The following ONECUT2 variants were observed in gnomAD, a reference collection of about 807,000 sequenced individuals.
ONECUT2 encodes the protein one cut homeobox 2.
ONECUT2 carries 10 observed loss-of-function variants against 27.9 expected under a neutral mutation model. The observed-to-expected ratio is 0.36, with a 90% CI of 0.22 to 0.61. The LOEUF is 0.61. Ranked by LOEUF, ONECUT2 falls within the 20% of genes least tolerant of loss-of-function variation. The pLI is 0.73. For synonymous variants in ONECUT2, 334 were observed against 315.1 expected (o/e 1.06, Z -0.64); for missense variants, 686 against 721.0 (o/e 0.95, Z 0.56).
chr18:57,462,412 G>T (rs959631380), intron 1 of ONECUT2, among the ~76,000 whole-genome samples: 5 of 152,142 alleles, frequency 3.3e-5, no homozygotes, highest in African/African-American at 1.2e-4. Context: ...AAGAGACAGG[G>T]TCTCGCTCTG....
intron 1 of ONECUT2, among the ~76,000 whole-genome samples, chr18:57,443,765 C>T (rs1044049290): frequency 7.2e-5 from 11 of 152,258 alleles, no homozygotes; most frequent in South Asian, 4.1e-4. Flanking sequence ...AGCCTCACTT[C>T]GGGAGCAGGA....
At chr18:57,475,531 T>C (rs1268697700) in intron 1 of ONECUT2, among the ~76,000 whole-genome samples, 2 of 152,156 alleles carry the variant, frequency 1.3e-5, no homozygotes, top group Non-Finnish European at 1.5e-5. Flanking sequence ...ATTGTATCCA[T>C]GGCTCCAAAA....
chr18:57,438,608 C>T (rs776179943), intron 1 of ONECUT2, among the ~76,000 whole-genome samples: 5 of 152,202 alleles, frequency 3.3e-5, no homozygotes, highest in African/African-American at 4.8e-5. Flanking sequence ...TTTCCTTTGC[C>T]GTCTGCTGGT....
intron 1 of ONECUT2, among the ~76,000 whole-genome samples, chr18:57,453,250 G>C (rs602768): frequency 0.87 from 132,815 of 152,166 alleles, 59,263 homozygotes; most frequent in Non-Finnish European, 0.98. Flanking sequence ...TTAATTCAGA[G>C]AGGTGATCAC....
Position 57,482,311 on chromosome 18 carries a change from A to T in ONECUT2, c.*5588A>T, listed in dbSNP as rs747029507. On this transcript the variant is annotated 3_prime_UTR_variant, in exon 2 of 2. Coordinates refer to ENST00000491143, the MANE Select transcript of ONECUT2 (RefSeq NM_004852.3). Reference sequence around the variant, plus strand: ...ATACTTATAAAATACAGAAGTAGTTATTAAAATATATAGGACCTCACATAG... The same window carrying T: ...ATACTTATAAAATACAGAAGTAGTTTTTAAAATATATAGGACCTCACATAG... 5.9e-5 allele frequency: 9 copies of T among 152,224 alleles called. No individual in the cohort carries two copies. The allele number at this position is 152,224 out of a possible 1,614,324, so 9.4% of individuals were successfully genotyped here.
Position 57,462,723 on chromosome 18 carries a change from C to CTTTTT in ONECUT2, c.1229-13693_1229-13689dup, listed in dbSNP as rs57032206. On this transcript the variant is annotated intron_variant, in intron 1 of 1. Transcript: ENST00000491143. ...AGAATTACCCTATGTTATTTTCTTT[C>CTTTTT]TTTTTTTTTTTTTTTTTTTTTTTTT... 4.2e-3 allele frequency among the ~76,000 whole-genome samples: 292 copies of CTTTTT among 68,996 alleles called. 2 individuals carry two copies. Among genetic ancestry groups the CTTTTT allele is most frequent in the Non-Finnish European group, 5.1e-3 (185 of 36,608 alleles). 45.3% of individuals were successfully genotyped at this position (68,996 alleles called of 152,430 possible).
rs1335947708 is a variant in ONECUT2 at position 57,489,666 on chromosome 18, T to A, written c.*12943T>A. On this transcript the variant is annotated 3_prime_UTR_variant, in exon 2 of 2. Transcript: ENST00000491143. Reference sequence around the variant, plus strand: ...AACCTGCCACCTGGGAAGAAAAGAGTCCGAAGACTAGCAATCGGATAGGTA... The same window carrying A: ...AACCTGCCACCTGGGAAGAAAAGAGACCGAAGACTAGCAATCGGATAGGTA... The A allele has an allele frequency of 6.8e-5, 1 of 14,658 alleles. No individual in the cohort carries two copies. Among genetic ancestry groups the A allele is most frequent in the Non-Finnish European group, 2.3e-4 (1 of 4,432 alleles). 0.9% of individuals were successfully genotyped at this position (14,658 alleles called of 1,614,324 possible).
chr18:57,463,843 G>T (rs149584564), intron 1 of ONECUT2, among the ~76,000 whole-genome samples: 330 of 152,210 alleles, frequency 2.2e-3, no homozygotes, highest in African/African-American at 7.4e-3. Context: ...AATTCTAACA[G>T]TTCATTGTGT....
intron 1 of ONECUT2, among the ~76,000 whole-genome samples, chr18:57,468,157 G>A (rs373772566): frequency 1.3e-5 from 2 of 152,220 alleles, no homozygotes; most frequent in South Asian, 4.1e-4. Flanking sequence ...ACATCCATTT[G>A]CACAGTGTCC....
intron 1 of ONECUT2, among the ~76,000 whole-genome samples, chr18:57,464,948 G>T (rs1386909802): frequency 6.6e-6 from 1 of 152,012 alleles, no homozygotes; most frequent in Non-Finnish European, 1.5e-5. Context: ...AATTTTCATA[G>T]AAGTTATTTT....
At chr18:57,437,960 G>T (rs1175960037) in intron 1 of ONECUT2, among the ~76,000 whole-genome samples, 2 of 152,282 alleles carry the variant, frequency 1.3e-5, no homozygotes, top group South Asian at 4.1e-4. Flanking sequence ...GGCGGCCCGC[G>T]GGAGGGGACG....
intron 1 of ONECUT2, among the ~76,000 whole-genome samples, chr18:57,471,412 TG>T (rs371495519): frequency 6.6e-6 from 1 of 152,160 alleles, no homozygotes; most frequent in Non-Finnish European, 1.5e-5. Context: ...AGGTTAGAGG[TG>T]GGGAAGATCA....
chr18:57,437,445 C>T (rs2050149145), intron 1 of ONECUT2, among the ~76,000 whole-genome samples: 1 of 152,270 alleles, frequency 6.6e-6, no homozygotes, highest in South Asian at 2.1e-4. Context: ...CTTTGCTCTG[C>T]AGAGGGAAAA....
At position 57,465,878 on chromosome 18, in the gene ONECUT2, G is replaced by A. The variant is rs76846696; in HGVS notation, c.1229-10559G>A. Among the ~76,000 whole-genome samples, 1,219 of 152,258 alleles carry A rather than the reference G, an allele frequency of 8.0e-3. 16 individuals carry two copies. The highest frequency in any genetic ancestry group is 0.027 in the African/African-American group (1,110 of 41,524). ...AAGCTTCCATCTAATCAGCTTCCTT[G>A]TTGTGTGGCCCTGCTGAACTGATGT... On this transcript the variant is annotated intron_variant, in intron 1 of 1. Coordinates refer to ENST00000491143, the MANE Select transcript of ONECUT2 (RefSeq NM_004852.3).
chr18:57,489,535 G>A lies in ONECUT2; in HGVS notation c.*12812G>A, dbSNP rs1486360499. On this transcript the variant is annotated 3_prime_UTR_variant, in exon 2 of 2. Coordinates refer to ENST00000491143, the MANE Select transcript of ONECUT2 (RefSeq NM_004852.3). ...TGAAAATCCTATTCAAAAAGTTGTAGAGTTTGAGGTTTTTATCCCCCCATA... is the reference window on the plus strand; with the variant it reads ...TGAAAATCCTATTCAAAAAGTTGTAAAGTTTGAGGTTTTTATCCCCCCATA... The A allele has an allele frequency of 1.3e-5, 2 of 152,040 alleles. No individual in the cohort carries two copies. The highest frequency in any genetic ancestry group is 1.5e-5 in the Non-Finnish European group (1 of 68,028). The allele number at this position is 152,040 out of a possible 1,614,324, so 9.4% of individuals were successfully genotyped here.
At chr18:57,475,930 TC>T (rs1218292801) in intron 1 of ONECUT2, among the ~76,000 whole-genome samples, 4 of 152,202 alleles carry the variant, frequency 2.6e-5, no homozygotes, top group African/African-American at 9.7e-5. Flanking sequence ...CTAAATTCAT[TC>T]TGTTAACAAT....
chr18:57,475,160 G>C (rs544840322), intron 1 of ONECUT2, among the ~76,000 whole-genome samples: 1 of 148,282 alleles, frequency 6.7e-6, no homozygotes, highest in East Asian at 2.0e-4. Context: ...GGGTTCAAGC[G>C]ATTCTCCTGC....
chr18:57,462,723 CTT>C (rs57032206), intron 1 of ONECUT2, among the ~76,000 whole-genome samples: 3 of 68,996 alleles, frequency 4.3e-5, no homozygotes, highest in Admixed American at 1.8e-4. Flanking sequence ...TATTTTCTTT[CTT>C]TTTTTTTTTT....
chr18:57,475,867 A>G (rs1362700973), intron 1 of ONECUT2, among the ~76,000 whole-genome samples: 2 of 152,052 alleles, frequency 1.3e-5, no homozygotes, highest in Non-Finnish European at 1.5e-5. Context: ...TAATTTTTCA[A>G]AAGTCTGGAC....
Sources: allele counts gnomAD v4.1 joint callset (sites outside exome capture counted in the v4.1 genomes callset), GRCh38; gene constraint gnomAD v4.1.1; transcripts MANE v1.5; gene names NCBI Gene and HGNC (gene_info 2026-07-23, HGNC 2026-07-21).